Variants in IFT22 observed in about 807,000 individuals in gnomAD.
IFT22 encodes intraflagellar transport protein 22 homolog.
A neutral mutation model predicts 21.0 loss-of-function variants in IFT22; 13 were observed. That is an observed-to-expected ratio of 0.62 (90% CI 0.40 to 0.98). IFT22 has a LOEUF of 0.98. IFT22 is among the 50% of genes least tolerant of loss of function. IFT22 has a pLI of 0.00. For synonymous variants in IFT22, 67 were observed against 82.4 expected (o/e 0.81, Z 1.01); for missense variants, 227 against 228.9 (o/e 0.99, Z 0.06).
In IFT22 at chr7:101,318,128, C is replaced by T; in HGVS notation, c.202G>A (p.Ala68Thr). 1 of 1,612,432 alleles carries T rather than the reference C, an allele frequency of 6.2e-7. No homozygotes were observed. The highest frequency in any genetic ancestry group is 1.1e-5 in the South Asian group (1 of 91,068). ...CTTTCTTTAAAGGAAACATACTTAG[C>T]ATCGCCACCACAGTCCCATAGCTCG... ...EFELWDCGGD[A>T]KFESCWPALM... Residue 68 changes from alanine to threonine, a missense_variant, in exon 3 of 5, where the codon GCT (alanine) becomes ACT (threonine). Transcript: ENST00000315322.
At chr7:101,320,253 G>T (rs199770585) in intron 1 of IFT22, among the ~76,000 whole-genome samples, 1 of 149,460 alleles carries the variant, frequency 6.7e-6, no homozygotes, top group South Asian at 2.1e-4. Context: ...CTCCGCATCC[G>T]GCTGGGTTTT....
At chr7:101,315,320 T>G (rs1790113857) in intron 4 of IFT22, 38 bp from the exon 5 acceptor site, 1 of 1,610,784 alleles carries the variant, frequency 6.2e-7, no homozygotes, top group African/African-American at 1.3e-5. Flanking sequence ...GCAAAGAGTT[T>G]CCATGAAGGG....
rs1562934094 is a variant in IFT22 at position 101,318,940 on chromosome 7, A to G, written c.116+16T>C. On this transcript the variant is annotated intron_variant, in intron 2 of 4. Coordinates refer to ENST00000315322, the MANE Select transcript of IFT22 (RefSeq NM_022777.4). ...GCCAGTTGGACACTCTGGGACACAGATTTGTCAGGGCTCACCTCACTCCTT... is the reference window on the plus strand; with the variant it reads ...GCCAGTTGGACACTCTGGGACACAGGTTTGTCAGGGCTCACCTCACTCCTT... 1.2e-6 allele frequency: 2 copies of G among 1,600,954 alleles called. No homozygotes were observed. Among genetic ancestry groups the G allele is most frequent in the Non-Finnish European group, 1.7e-6 (2 of 1,168,080 alleles).
At chr7:101,318,592 A>C (rs73180992) in intron 2 of IFT22, 1 of 272,682 alleles carries the variant, frequency 3.7e-6, no homozygotes, top group Admixed American at 4.9e-5. Flanking sequence ...AACAGCAACA[A>C]AAGTAGGAAG....
Position 101,316,404 on chromosome 7 carries a change from T to C in IFT22, c.345A>G (p.Thr115=), listed in dbSNP as rs145280171. The C allele has an allele frequency of 1.1e-4, 170 of 1,614,062 alleles. No individual in the cohort carries two copies. Among genetic ancestry groups the C allele is most frequent in the Non-Finnish European group, 1.4e-4 (163 of 1,180,046 alleles). The change falls in exon 4 of 5, where the codon ACA becomes ACG. Residue 115 remains threonine, a synonymous_variant. Coordinates refer to ENST00000315322, the MANE Select transcript of IFT22 (RefSeq NM_022777.4). ...TGTGGTGTGCAATTAGCATACACTG[T>C]GTGTCCTGTAAGGACGGCTGTTGGA... ...CFVQQPSLQD[T]QCMLIAHHKP...
intron 1 of IFT22, among the ~76,000 whole-genome samples, chr7:101,320,037 A>G (rs887753442): frequency 6.7e-6 from 1 of 149,918 alleles, no homozygotes; most frequent in Admixed American, 6.7e-5. Flanking sequence ...GCTTATTGCA[A>G]CCTCTGCCTC....
At chr7:101,316,627 AAAGTTGGTC>A in intron 3 of IFT22, 85 bp from the exon 4 acceptor site, 1 of 1,434,606 alleles carries the variant, frequency 7.0e-7, no homozygotes, top group African/African-American at 1.4e-5. Context: ...CTTAGTATTA[AAAGTTGGTC>A]TATGACGGCT....
intron 4 of IFT22, chr7:101,316,070 C>T: frequency 2.9e-6 from 1 of 343,554 alleles, no homozygotes; most frequent in African/African-American, 2.2e-5. Context: ...GAGATCTCAA[C>T]TCACTGCAAT....
At chr7:101,320,837 C>T (rs1790321633) in intron 1 of IFT22, among the ~76,000 whole-genome samples, 1 of 151,936 alleles carries the variant, frequency 6.6e-6, no homozygotes, top group East Asian at 1.9e-4. Flanking sequence ...TAGCAAGATC[C>T]TGTCTCTACA....
At chr7:101,321,575 G>A in intron 1 of IFT22, 96 bp downstream of exon 1, 1 of 1,348,874 alleles carries the variant, frequency 7.4e-7, no homozygotes. Flanking sequence ...TCCCGCCTCC[G>A]GGAGCAAGCC....
Position 101,321,480 on chromosome 7 carries a change from G to C in IFT22, c.39+191C>G, listed in dbSNP as rs536706087. ...GGCTCGCCTCCACTACCTCCTCCGGGCAGTGGTTGGAATCAAGGTCTGAAA... is the reference window on the plus strand; with the variant it reads ...GGCTCGCCTCCACTACCTCCTCCGGCCAGTGGTTGGAATCAAGGTCTGAAA... On this transcript the variant is annotated intron_variant, in intron 1 of 4. Coordinates refer to ENST00000315322, the MANE Select transcript of IFT22 (RefSeq NM_022777.4). The C allele has an allele frequency of 3.7e-5, 22 of 590,154 alleles. No homozygotes were observed. In the South Asian group the frequency reaches 4.5e-4, roughly 12 times the overall value. The allele number at this position is 590,154 out of a possible 1,614,324, so 36.6% of individuals were successfully genotyped here.
chr7:101,312,444 CAAAA>C lies in IFT22; in HGVS notation c.*2686_*2689del, dbSNP rs144715459. Among the ~76,000 whole-genome samples, 726 of 150,614 alleles carry C rather than the reference CAAAA, an allele frequency of 4.8e-3. 6 individuals are homozygous for C. Among genetic ancestry groups the C allele is most frequent in the African/African-American group, 0.017 (699 of 40,948 alleles). ...CACCGTGTCTCAAAAAAACAAAAAA[CAAAA>C]AATTGTGTCTGTACTCCACTTTCCA... On this transcript the variant is annotated 3_prime_UTR_variant, in exon 5 of 5. Transcript: ENST00000315322.
chr7:101,321,806 G>C lies in IFT22; in HGVS notation c.-97C>G. 3.5e-6 allele frequency: 4 copies of C among 1,158,980 alleles called. No homozygotes were observed. The highest frequency in any genetic ancestry group is 4.4e-6 in the Non-Finnish European group (4 of 910,668). The allele number at this position is 1,158,980 out of a possible 1,614,324, so 71.8% of individuals were successfully genotyped here. A position where few individuals can be genotyped will look rare whatever the true frequency, so the allele number is the denominator to read the frequency against. ...GCTTTCGTTTCCATGGCGACGGAGAGAGGCCCGCAGGGCCGACGGGACTCG... is the reference window on the plus strand; with the variant it reads ...GCTTTCGTTTCCATGGCGACGGAGACAGGCCCGCAGGGCCGACGGGACTCG... On this transcript the variant is annotated 5_prime_UTR_variant, in exon 1 of 5. Coordinates refer to ENST00000315322, the MANE Select transcript of IFT22 (RefSeq NM_022777.4).
chr7:101,316,557 AG>A lies in IFT22; in HGVS notation c.207-16del, dbSNP rs1790160486. ...AGGACTCAAACCTGCGAGGAAGAAA[AG>A]GAACAACAGGGAAAGTTAGGTCATT... On this transcript the variant is annotated splice_polypyrimidine_tract_variant and intron_variant, in intron 3 of 4. Transcript: ENST00000315322. 1.9e-6 allele frequency: 3 copies of A among 1,612,334 alleles called. No homozygotes were observed. In the South Asian group the frequency reaches 3.3e-5, roughly 18 times the overall value.
chr7:101,321,144 A>G (rs2116936910), intron 1 of IFT22, among the ~76,000 whole-genome samples: 1 of 152,108 alleles, frequency 6.6e-6, no homozygotes. Context: ...CTCTGTCTCA[A>G]AAAAACAAAA....
At position 101,321,683 on chromosome 7, in the gene IFT22, C is replaced by T; in HGVS notation, c.27G>A (p.Val9=). MLKAKILF[V]GPCESGKTVL... is the part of the protein sequence containing the mutation. ...GGCCAGGACTTACCTCGCAAGGCCC[C>T]ACGAAGAGGATCTTGGCTTTCAGCA... The change falls in exon 1 of 5, where the codon GTG becomes GTA. Residue 9 remains valine, a synonymous_variant. Transcript: ENST00000315322. 2 of 1,603,688 alleles carry T rather than the reference C, an allele frequency of 1.2e-6. No individual in the cohort carries two copies. The highest frequency in any genetic ancestry group is 1.7e-6 in the Non-Finnish European group (2 of 1,175,406).
rs981344964 is a variant in IFT22, at chr7:101,312,423, G to A, written c.*2711C>T. On this transcript the variant is annotated 3_prime_UTR_variant, in exon 5 of 5. Transcript: ENST00000315322. ...CCAGCCGGGATGACAGAGTGACACC[G>A]TGTCTCAAAAAAACAAAAAACAAAA... Among the ~76,000 whole-genome samples, 6 of 151,438 alleles carry A rather than the reference G, an allele frequency of 4.0e-5. No homozygotes were observed. Among genetic ancestry groups the A allele is most frequent in the Non-Finnish European group, 4.4e-5 (3 of 67,960 alleles).
In IFT22 at chr7:101,318,958, C is replaced by G. The variant is rs1287090830; in HGVS notation, c.114G>C (p.Val38=). 6 of 1,612,938 alleles carry G rather than the reference C, an allele frequency of 3.7e-6. No individual in the cohort carries two copies. The highest frequency in any genetic ancestry group is 5.1e-6 in the Non-Finnish European group (6 of 1,179,036). ...DITEYSPTQG[V]RILEFENPHV... ...GACACAGATTTGTCAGGGCTCACCT[C>G]ACTCCTTGGGTTGGGCTGTATTCAG... is the stretch of plus-strand genomic sequence containing the variant. Residue 38 remains valine (V), a splice_region_variant and synonymous_variant, in exon 2 of 5, where the codon GTG becomes GTC. Transcript: ENST00000315322.
In IFT22 at chr7:101,311,220, T is replaced by TA. The variant is rs1267546113; in HGVS notation, c.*3913dup. 2.0e-5 allele frequency among the ~76,000 whole-genome samples: 3 copies of TA among 152,094 alleles called. No homozygotes were observed. The highest frequency in any genetic ancestry group is 7.2e-5 in the African/African-American group (3 of 41,420). ...GTTAGCCAGGATGGTCTCGATCTCT[T>TA]AACCTCGTAATCCACCCGCCTCGGC... On this transcript the variant is annotated 3_prime_UTR_variant, in exon 5 of 5. Transcript: ENST00000315322.
Sources: allele counts gnomAD v4.1 joint callset (sites outside exome capture counted in the v4.1 genomes callset), GRCh38; gene constraint gnomAD v4.1.1; transcripts MANE v1.5; gene names NCBI Gene and HGNC (gene_info 2026-07-23, HGNC 2026-07-21).